PCDHGA9: variants seen among roughly 807,000 people sequenced by gnomAD.
PCDHGA9 encodes the protein protocadherin gamma subfamily A, 9, also known as protocadherin gamma-A9.
PCDHGA9 carries 37 observed loss-of-function variants against 62.5 expected under a neutral mutation model. That is an observed-to-expected ratio of 0.59 (90% CI 0.46 to 0.78). The LOEUF is 0.78. Ranked by LOEUF, PCDHGA9 falls within the 30% of genes least tolerant of loss-of-function variation. PCDHGA9 has a pLI of 0.00. For synonymous variants in PCDHGA9, 459 were observed against 484.6 expected, an observed-to-expected ratio of 0.95 and a Z score of 0.69; for missense variants, 1,138 against 1,166.2, an observed-to-expected ratio of 0.98 and a Z score of 0.35.
intron 1 of PCDHGA9, among the ~76,000 whole-genome samples, chr5:141,492,095 CT>C (rs1047956109): frequency 6.6e-6 from 1 of 152,232 alleles, no homozygotes; most frequent in African/African-American, 2.4e-5. Context: ...CTTCGCCGGT[CT>C]GTAGATTTCC....
chr5:141,467,476 G>C (rs114088806), intron 1 of PCDHGA9, among the ~76,000 whole-genome samples: 1,866 of 152,156 alleles, frequency 0.012, 41 homozygotes, highest in African/African-American at 0.043. Flanking sequence ...CATGGTTTTT[G>C]GTTTCCACAT....
intron 1 of PCDHGA9, among the ~76,000 whole-genome samples, chr5:141,483,432 A>G (rs756227206): frequency 2.0e-5 from 3 of 152,200 alleles, no homozygotes; most frequent in African/African-American, 4.8e-5. Flanking sequence ...GAGGGAGCTG[A>G]CTACAATAAA....
At position 141,403,573 on chromosome 5, in the gene PCDHGA9, C is replaced by G; in HGVS notation, c.621C>G (p.Ala207=). Reference sequence around the variant, plus strand: ...CCCTGGACAGGGAGGAGGCAACTGCCCACCACCTGGTCCTCACGGCCTCGG... The same window carrying G: ...CCCTGGACAGGGAGGAGGCAACTGCGCACCACCTGGTCCTCACGGCCTCGG... ...ERALDREEAT[A]HHLVLTASDG... is the part of the protein sequence containing the mutation. Residue 207 remains alanine, a synonymous_variant, in exon 1 of 4, where the codon GCC becomes GCG. Transcript: ENST00000573521. The G allele has an allele frequency of 6.2e-7, 1 of 1,613,946 alleles. No individual in the cohort carries two copies. The highest frequency in any genetic ancestry group is 1.1e-5 in the South Asian group (1 of 91,082).
At chr5:141,423,927 T>G (rs2096791636) in intron 1 of PCDHGA9, 4 of 1,240,434 alleles carry the variant, frequency 3.2e-6, no homozygotes, top group Non-Finnish European at 4.1e-6. Flanking sequence ...TATGCTGGTT[T>G]GGTTTGAAGT....
intron 1 of PCDHGA9, among the ~76,000 whole-genome samples, chr5:141,438,935 G>A (rs1306603362): frequency 6.6e-6 from 1 of 151,810 alleles, no homozygotes; most frequent in African/African-American, 2.4e-5. Context: ...CAAAGTGCTG[G>A]GATTATAGGC....
rs755130135 is a variant in PCDHGA9 at position 141,431,477 on chromosome 5, C to A, written c.2424+26101C>A. On this transcript the variant is annotated intron_variant, in intron 1 of 3. Coordinates refer to ENST00000573521, the MANE Select transcript of PCDHGA9 (RefSeq NM_018921.3). The surrounding 1 kb of genome is among the most constrained non-coding windows in gnomAD (Gnocchi z 4.8). ...GGTTCTGGATGCGAACGACAACGCA[C>A]CAGCGTTTGCTCAGCCCGAGTACCG... is the stretch of plus-strand genomic sequence containing the variant. 40 of 1,613,768 alleles carry A rather than the reference C, an allele frequency of 2.5e-5. No individual in the cohort carries two copies. The highest frequency in any genetic ancestry group is 3.3e-5 in the Admixed American group (2 of 60,008).
chr5:141,417,754 C>A, intron 1 of PCDHGA9: 2 of 1,431,302 alleles, frequency 1.4e-6, no homozygotes, highest in Non-Finnish European at 1.8e-6. Flanking sequence ...TTGCCAGCTC[C>A]GAGACCCGGG....
intron 1 of PCDHGA9, chr5:141,415,608 T>C (rs1391331847): frequency 6.2e-7 from 1 of 1,613,366 alleles, no homozygotes; most frequent in Non-Finnish European, 8.5e-7. Flanking sequence ...CCCCATTGGT[T>C]CCAGTGAGTT....
chr5:141,414,647 T>C (rs1369045439), intron 1 of PCDHGA9: 3 of 1,613,926 alleles, frequency 1.9e-6, no homozygotes, highest in South Asian at 2.2e-5. Flanking sequence ...AATGCCCAGA[T>C]TATTTACTCC....
In PCDHGA9 at chr5:141,403,266, A is replaced by G; in HGVS notation, c.314A>G (p.Asn105Ser). The G allele has an allele frequency of 6.8e-6, 11 of 1,613,858 alleles. No individual in the cohort carries two copies. The highest frequency in any genetic ancestry group is 9.3e-6 in the Non-Finnish European group (11 of 1,179,890). Residue 105 changes from asparagine (N) to serine (S), a missense_variant, in exon 1 of 4, where the codon AAC becomes AGC. Asn to Ser is a conservative substitution (Grantham distance 46, BLOSUM62 1). Transcript: ENST00000573521. Reference protein sequence around the residue: ...LCAQSPRCLVNFKVLVEDRVK... With the variant: ...LCAQSPRCLVSFKVLVEDRVK... ...GCTCAGAGCCCGCGGTGTCTGGTGAACTTTAAAGTCCTGGTTGAAGACAGA... is the reference window on the plus strand; with the variant it reads ...GCTCAGAGCCCGCGGTGTCTGGTGAGCTTTAAAGTCCTGGTTGAAGACAGA...
At chr5:141,457,280 A>G (rs964027392) in intron 1 of PCDHGA9, among the ~76,000 whole-genome samples, 2 of 152,196 alleles carry the variant, frequency 1.3e-5, no homozygotes, top group Admixed American at 1.3e-4. Context: ...TGGGCCTACG[A>G]AGTTCCTTGG....
In PCDHGA9 at chr5:141,442,072, C is replaced by G. The variant is rs1034351866; in HGVS notation, c.2424+36696C>G. On this transcript the variant is annotated intron_variant, in intron 1 of 3. Transcript: ENST00000573521. ...GTCGCGGTGCACTGCGGTGGACAGC[C>G]GCTCCTCTCGCTACCGCCACGTCAC... 17 of 175,092 alleles carry G rather than the reference C, an allele frequency of 9.7e-5. No homozygotes were observed. The South Asian group carries it at 1.5e-3, about 16-fold the overall frequency. 10.8% of individuals were successfully genotyped at this position (175,092 alleles called of 1,614,324 possible). A position where few individuals can be genotyped will look rare whatever the true frequency, so the allele number is the denominator to read the frequency against.
chr5:141,434,092 A>C (rs1333686339), intron 1 of PCDHGA9, among the ~76,000 whole-genome samples: 1 of 152,172 alleles, frequency 6.6e-6, no homozygotes, highest in Non-Finnish European at 1.5e-5. Context: ...TTTGATGCTG[A>C]AATTGTCCCA....
rs374663576 is a variant in PCDHGA9 at position 141,489,905 on chromosome 5, G to A, written c.2425-4902G>A. The A allele has an allele frequency of 2.8e-4, 459 of 1,614,108 alleles. No homozygotes were observed. Among genetic ancestry groups the A allele is most frequent in the Non-Finnish European group, 3.4e-4 (405 of 1,180,054 alleles). On this transcript the variant is annotated intron_variant, in intron 1 of 3. Coordinates refer to ENST00000573521, the MANE Select transcript of PCDHGA9 (RefSeq NM_018921.3). The surrounding 1 kb of genome is among the most constrained non-coding windows in gnomAD (Gnocchi z 4.5). ...GCTGTGGATGGGGGGACCCCAGCCC[G>A]CTCAGGGACCACCCTTATCTCTGTC...
intron 2 of PCDHGA9, among the ~76,000 whole-genome samples, chr5:141,501,751 C>G (rs188896150): frequency 1.4e-3 from 218 of 152,250 alleles, no homozygotes; most frequent in South Asian, 3.1e-3. Flanking sequence ...ATAGGAAGCT[C>G]TCAGTAAATG....
In PCDHGA9 at chr5:141,410,593, G is replaced by C. The variant is rs921521742; in HGVS notation, c.2424+5217G>C. ...TTCCACCTCATGGTGGGGAGGATTT[G>C]ACTTCACATCCTGAGACTCTGACTT... On this transcript the variant is annotated intron_variant, in intron 1 of 3. Coordinates refer to ENST00000573521, the MANE Select transcript of PCDHGA9 (RefSeq NM_018921.3). The C allele has an allele frequency of 2.5e-6, 4 of 1,608,934 alleles. No individual in the cohort carries two copies. In the African/African-American group the frequency reaches 5.3e-5, roughly 21 times the overall value.
chr5:141,433,032 C>G, intron 1 of PCDHGA9: 1 of 1,614,188 alleles, frequency 6.2e-7, no homozygotes, highest in Non-Finnish European at 8.5e-7. Context: ...CACGAGGTTT[C>G]CCTCACCACG....
In PCDHGA9 at chr5:141,404,765, T is replaced by A; in HGVS notation, c.1813T>A (p.Ser605Thr). The change falls in exon 1 of 4, where the codon TCC (serine) becomes ACC (threonine). Residue 605 changes from serine to threonine, a missense_variant. By Grantham distance (58) the Ser-to-Thr change is moderately conservative. Coordinates refer to ENST00000573521, the MANE Select transcript of PCDHGA9 (RefSeq NM_018921.3). ...DRDSGQNAWL[S>T]YRLFKASEPG... Reference sequence around the variant, plus strand: ...AGACTCAGGCCAGAATGCTTGGCTCTCCTACCGCCTATTCAAGGCCAGTGA... The same window carrying A: ...AGACTCAGGCCAGAATGCTTGGCTCACCTACCGCCTATTCAAGGCCAGTGA... 1 of 1,613,120 alleles carries A rather than the reference T, an allele frequency of 6.2e-7. No individual in the cohort carries two copies. The highest frequency in any genetic ancestry group is 8.5e-7 in the Non-Finnish European group (1 of 1,179,924).
At position 141,416,083 on chromosome 5, in the gene PCDHGA9, A is replaced by T. The variant is rs183563665; in HGVS notation, c.2424+10707A>T. The T allele has an allele frequency of 1.6e-4, 27 of 167,232 alleles. 1 individual carries two copies. The East Asian group carries it at 3.9e-3, about 24-fold the overall frequency. The allele number at this position is 167,232 out of a possible 1,614,324, so 10.4% of individuals were successfully genotyped here. A position where few individuals can be genotyped will look rare whatever the true frequency, so the allele number is the denominator to read the frequency against. On this transcript the variant is annotated intron_variant, in intron 1 of 3. Transcript: ENST00000573521. Reference sequence around the variant, plus strand: ...AGAATACTCAATGCAGTTCTTCCCAAGGAGAAGGGCAATAGGCCTTTTTCA... The same window carrying T: ...AGAATACTCAATGCAGTTCTTCCCATGGAGAAGGGCAATAGGCCTTTTTCA...
Sources: gnomAD v4.1 joint callset for allele counts (sites outside exome capture counted in the v4.1 genomes callset) on GRCh38, gnomAD v4.1.1 for gene constraint, Gnocchi (gnomAD v3.1) non-coding constraint, MANE v1.5 for transcripts, NCBI Gene and HGNC (gene_info 2026-07-23, HGNC 2026-07-21) for gene names.